Variants in DYM observed in about 807,000 individuals in gnomAD.
DYM encodes dymeclin.
In DYM, 78 loss-of-function variants were observed where a neutral mutation model predicts 93.1. The ratio of observed to expected loss-of-function variants is 0.84; its 90% CI spans 0.70 to 1.01. DYM has a LOEUF of 1.01. Among genes scored for constraint, DYM ranks in the 50% least tolerant of loss-of-function variants. DYM has a pLI of 0.00. For synonymous variants in DYM, 321 were observed against 319.7 expected, an observed-to-expected ratio of 1.00 and a Z score of -0.04; for missense variants, 789 against 845.0, an observed-to-expected ratio of 0.93 and a Z score of 0.82.
intron 14 of DYM, among the ~76,000 whole-genome samples, chr18:49,185,075 A>G (rs956237235): frequency 6.6e-6 from 1 of 152,216 alleles, no homozygotes; most frequent in Non-Finnish European, 1.5e-5. Context: ...ATCTTGAGAA[A>G]GAGTATTTCA....
intron 13 of DYM, among the ~76,000 whole-genome samples, chr18:49,256,659 A>G (rs769869046): frequency 1.6e-4 from 25 of 152,244 alleles, no homozygotes; most frequent in Non-Finnish European, 3.4e-4. Flanking sequence ...TAAAACGCAC[A>G]CAGATAAATC....
intron 8 of DYM, among the ~76,000 whole-genome samples, chr18:49,297,108 T>C (rs1719854252): frequency 1.3e-5 from 2 of 152,234 alleles, no homozygotes; most frequent in South Asian, 2.1e-4. Context: ...GTTCTAAATA[T>C]AGGTGTCAAT....
chr18:49,360,821 C>A (rs544602591), intron 6 of DYM, among the ~76,000 whole-genome samples: 2 of 152,152 alleles, frequency 1.3e-5, no homozygotes, highest in South Asian at 4.2e-4. Flanking sequence ...AAGAGGAAAC[C>A]CAAAGATATG....
intron 15 of DYM, among the ~76,000 whole-genome samples, chr18:49,145,123 A>ATG (rs2084956983): frequency 9.0e-6 from 1 of 111,368 alleles, no homozygotes; most frequent in East Asian, 2.8e-4. Context: ...ATATATATAT[A>ATG]TATATATATA....
At chr18:49,060,463 A>G (rs1375320859) in intron 17 of DYM, among the ~76,000 whole-genome samples, 1 of 151,684 alleles carries the variant, frequency 6.6e-6, no homozygotes, top group Non-Finnish European at 1.5e-5. Context: ...CATTACCTGT[A>G]TATTTCCTAC....
chr18:49,232,016 T>C (rs1441586644), intron 13 of DYM, among the ~76,000 whole-genome samples: 1 of 152,232 alleles, frequency 6.6e-6, no homozygotes, highest in Non-Finnish European at 1.5e-5. Flanking sequence ...AATATTCAGT[T>C]ATATATACCT....
chr18:49,371,962 G>T (rs2067083222), intron 5 of DYM, among the ~76,000 whole-genome samples: 2 of 152,130 alleles, frequency 1.3e-5, no homozygotes, highest in Admixed American at 1.3e-4. Flanking sequence ...ATATCCATGT[G>T]ATCACAGCAG....
intron 2 of DYM, among the ~76,000 whole-genome samples, chr18:49,404,096 C>G (rs1042935596): frequency 6.6e-6 from 1 of 152,132 alleles, no homozygotes; most frequent in African/African-American, 2.4e-5. Flanking sequence ...CAACCTCCGC[C>G]TCCCGGATTC....
intron 17 of DYM, among the ~76,000 whole-genome samples, chr18:49,089,588 A>G (rs2078858392): frequency 6.6e-6 from 1 of 152,234 alleles, no homozygotes; most frequent in Non-Finnish European, 1.5e-5. Flanking sequence ...TGGTCCATAC[A>G]GTAGTGGTTC....
At chr18:49,310,060 T>C (rs1390850993) in intron 8 of DYM, among the ~76,000 whole-genome samples, 2 of 152,142 alleles carry the variant, frequency 1.3e-5, no homozygotes, top group East Asian at 3.8e-4. Context: ...AATACCAAAA[T>C]ATTTAAAAGA....
chr18:49,106,134 G>A (rs1446474466), intron 16 of DYM, among the ~76,000 whole-genome samples: 1 of 152,204 alleles, frequency 6.6e-6, no homozygotes, highest in African/African-American at 2.4e-5. Flanking sequence ...AGCTCTTCTT[G>A]TTGAATTGAA....
At chr18:49,191,007 T>C (rs192670521) in intron 14 of DYM, among the ~76,000 whole-genome samples, 1 of 151,792 alleles carries the variant, frequency 6.6e-6, no homozygotes, top group Admixed American at 6.6e-5. Context: ...CTATTAGTAG[T>C]TAAGTTTTGG....
intron 17 of DYM, among the ~76,000 whole-genome samples, chr18:49,086,586 A>C (rs2078550284): frequency 6.6e-6 from 1 of 152,182 alleles, no homozygotes; most frequent in Non-Finnish European, 1.5e-5. Flanking sequence ...GTTCCCCTAA[A>C]GTTAATATGT....
chr18:49,215,720 A>C (rs916422601), intron 13 of DYM, among the ~76,000 whole-genome samples: 2 of 152,256 alleles, frequency 1.3e-5, no homozygotes, highest in African/African-American at 2.4e-5. Flanking sequence ...AAACTAAAAC[A>C]AATTTAATTG....
At chr18:49,142,867 CA>C (rs1171569777) in intron 15 of DYM, among the ~76,000 whole-genome samples, 1 of 152,068 alleles carries the variant, frequency 6.6e-6, no homozygotes, top group East Asian at 1.9e-4. Context: ...GATAAAACCC[CA>C]GTTAAATAAA....
chr18:49,155,343 C>G (rs2086279637), intron 15 of DYM, among the ~76,000 whole-genome samples: 1 of 152,116 alleles, frequency 6.6e-6, no homozygotes, highest in African/African-American at 2.4e-5. Context: ...CTCTCTTTTT[C>G]CCCCCGTGCT....
intron 15 of DYM, among the ~76,000 whole-genome samples, chr18:49,148,321 A>T (rs1412938544): frequency 6.6e-6 from 1 of 152,148 alleles, no homozygotes. Flanking sequence ...GTGCACATGT[A>T]GCCTAAAACT....
intron 8 of DYM, among the ~76,000 whole-genome samples, chr18:49,293,359 G>A (rs1423737604): frequency 3.9e-5 from 6 of 152,076 alleles, no homozygotes; most frequent in South Asian, 2.1e-4. Context: ...GGATTGCTGC[G>A]TCAAATGGTA....
intron 15 of DYM, among the ~76,000 whole-genome samples, chr18:49,123,601 C>A (rs1171232388): frequency 6.6e-6 from 1 of 152,202 alleles, no homozygotes; most frequent in East Asian, 1.9e-4. Context: ...GCTCAGCAGG[C>A]TCACTGTTCT....
Sources: gnomAD v4.1 joint callset for allele counts (sites outside exome capture counted in the v4.1 genomes callset) on GRCh38, gnomAD v4.1.1 for gene constraint, MANE v1.5 for transcripts, NCBI Gene and HGNC (gene_info 2026-07-23, HGNC 2026-07-21) for gene names.